Variants in EDNRA observed in about 807,000 individuals in gnomAD.
EDNRA encodes the protein endothelin-1 receptor.
EDNRA carries 11 observed loss-of-function variants against 41.4 expected under a neutral mutation model. The observed-to-expected ratio is 0.27, with a 90% CI of 0.17 to 0.44. EDNRA has a LOEUF of 0.44. EDNRA is among the 20% of genes least tolerant of loss of function. EDNRA has a pLI of 1.00. For synonymous variants in EDNRA, 172 were observed against 183.0 expected, an observed-to-expected ratio of 0.94 and a Z score of 0.49; for missense variants, 294 against 531.0, an observed-to-expected ratio of 0.55 and a Z score of 4.39.
At chr4:147,483,888 CT>C (rs1728858184) in intron 1 of EDNRA, among the ~76,000 whole-genome samples, 1 of 151,752 alleles carries the variant, frequency 6.6e-6, no homozygotes, top group South Asian at 2.1e-4. Flanking sequence ...CCTGTCTAAT[CT>C]TTTTTATGTT....
chr4:147,532,270 G>A (rs922248884), intron 3 of EDNRA, among the ~76,000 whole-genome samples: 2 of 145,748 alleles, frequency 1.4e-5, no homozygotes, highest in African/African-American at 2.6e-5. Flanking sequence ...AGCTTGCAGT[G>A]AGCCGAGATG....
rs5342 is a variant in EDNRA, at chr4:147,543,619, A to G, written c.*1001A>G. On this transcript the variant is annotated 3_prime_UTR_variant, in exon 8 of 8. Coordinates refer to ENST00000651419, the MANE Select transcript of EDNRA (RefSeq NM_001957.4). ...AAAGATCGAATTTTTCAGATGATTCAGAAATTTTCATTCAGGTATTTGTAA... is the reference window on the plus strand; with the variant it reads ...AAAGATCGAATTTTTCAGATGATTCGGAAATTTTCATTCAGGTATTTGTAA... 57,384 of 152,024 alleles carry G rather than the reference A, an allele frequency of 0.38. 11,082 individuals carry two copies. Among genetic ancestry groups the G allele is most frequent in the South Asian group, 0.61 (2,959 of 4,820 alleles). The allele number at this position is 152,024 out of a possible 1,614,324, so 9.4% of individuals were successfully genotyped here.
intron 2 of EDNRA, among the ~76,000 whole-genome samples, chr4:147,517,529 T>C (rs1396870371): frequency 1.3e-5 from 2 of 152,202 alleles, no homozygotes; most frequent in Admixed American, 6.5e-5. Flanking sequence ...TTACTACCCA[T>C]ACATCCTTTC....
At chr4:147,512,170 A>C in intron 2 of EDNRA, among the ~76,000 whole-genome samples, 1 of 152,216 alleles carries the variant, frequency 6.6e-6, no homozygotes, top group East Asian at 1.9e-4. Context: ...AAAAGCCTCA[A>C]GTCCCTCACT....
chr4:147,539,586 G>A (rs899097985), intron 5 of EDNRA, among the ~76,000 whole-genome samples: 1 of 151,940 alleles, frequency 6.6e-6, no homozygotes, highest in Non-Finnish European at 1.5e-5. Flanking sequence ...TAACCAACCT[G>A]AGGCCCCCAT....
chr4:147,535,263 T>G (rs577703117), intron 4 of EDNRA, among the ~76,000 whole-genome samples: 45 of 152,356 alleles, frequency 3.0e-4, no homozygotes, highest in African/African-American at 1.1e-3. Context: ...TGAGATATGC[T>G]GCCTCAATAG....
rs59851236 is a variant in EDNRA, at chr4:147,532,325, C to CAAAAAAAAA, written c.549-164_549-156dup. The stretch of plus-strand genomic sequence containing the variant: ...TGAGCAACAGAGCGAGATTTTGCCT[C>CAAAAAAAAA]AAAAAAAAAAAAAAAAAAAAAAAAA... On this transcript the variant is annotated intron_variant, in intron 3 of 7. Transcript: ENST00000651419. 5.3e-4 allele frequency among the ~76,000 whole-genome samples: 32 copies of CAAAAAAAAA among 60,390 alleles called. 1 individual carries two copies. The highest frequency in any genetic ancestry group is 5.3e-3 in the South Asian group (6 of 1,140). The allele number at this position is 60,390 out of a possible 152,430, so 39.6% of individuals were successfully genotyped here.
At chr4:147,506,341 C>T (rs992934845) in intron 2 of EDNRA, 36 of 423,036 alleles carry the variant, frequency 8.5e-5, no homozygotes, top group Admixed American at 7.9e-4. Context: ...AAGCTGTCTT[C>T]GGAAGGAATA....
chr4:147,501,496 C>A (rs751705060), intron 2 of EDNRA, among the ~76,000 whole-genome samples: 1 of 152,192 alleles, frequency 6.6e-6, no homozygotes. Context: ...TTAGACCAGT[C>A]CTGATCACCA....
intron 3 of EDNRA, 87 bp from the exon 4 acceptor site, chr4:147,532,411 CAATGAGGA>C: frequency 1.0e-6 from 1 of 993,884 alleles, no homozygotes; most frequent in Non-Finnish European, 1.6e-6. Flanking sequence ...CTGGTATTGG[CAATGAGGA>C]GGAACTTCCC....
intron 3 of EDNRA, among the ~76,000 whole-genome samples, chr4:147,528,958 T>G (rs1213246220): frequency 2.6e-5 from 4 of 152,120 alleles, no homozygotes; most frequent in Non-Finnish European, 4.4e-5. Flanking sequence ...TGCTATGTTC[T>G]GACGTAACAG....
At chr4:147,487,736 T>C (rs1178203788) in intron 2 of EDNRA, among the ~76,000 whole-genome samples, 2 of 152,212 alleles carry the variant, frequency 1.3e-5, no homozygotes. Flanking sequence ...ACCAGTACAC[T>C]GTTTCCAAAA....
At chr4:147,522,255 A>AGG (rs1730351956) in intron 3 of EDNRA, among the ~76,000 whole-genome samples, 1 of 152,118 alleles carries the variant, frequency 6.6e-6, no homozygotes, top group East Asian at 1.9e-4. Flanking sequence ...AAATTAGTTT[A>AGG]GGGCTGGGTG....
intron 3 of EDNRA, among the ~76,000 whole-genome samples, chr4:147,523,590 A>T (rs1168581222): frequency 2.0e-5 from 3 of 149,858 alleles, no homozygotes; most frequent in Non-Finnish European, 4.4e-5. Flanking sequence ...TCCCAGGTTC[A>T]CGCCATTCTC....
At chr4:147,528,567 T>C (rs1388063796) in intron 3 of EDNRA, among the ~76,000 whole-genome samples, 1 of 151,992 alleles carries the variant, frequency 6.6e-6, no homozygotes, top group African/African-American at 2.4e-5. Context: ...GCCCAGGGTG[T>C]CAAGCGATCG....
At chr4:147,531,036 A>G (rs1289975516) in intron 3 of EDNRA, among the ~76,000 whole-genome samples, 2 of 152,256 alleles carry the variant, frequency 1.3e-5, no homozygotes, top group Admixed American at 6.5e-5. Flanking sequence ...AGCAGTTAGC[A>G]TTAGACCTTC....
intron 2 of EDNRA, chr4:147,489,030 C>T (rs1355430182): frequency 1.3e-5 from 2 of 152,132 alleles, no homozygotes; most frequent in African/African-American, 4.8e-5. Flanking sequence ...TGTGAGCCTT[C>T]TTTATTTCCC....
chr4:147,522,197 T>C (rs763412671), intron 3 of EDNRA, among the ~76,000 whole-genome samples: 13 of 152,208 alleles, frequency 8.5e-5, no homozygotes, highest in Non-Finnish European at 1.9e-4. Context: ...ATTATTACCA[T>C]TTATTGAATA....
At chr4:147,510,023 T>C (rs1729865924) in intron 2 of EDNRA, among the ~76,000 whole-genome samples, 1 of 152,174 alleles carries the variant, frequency 6.6e-6, no homozygotes, top group Non-Finnish European at 1.5e-5. Flanking sequence ...AGATGGTCTC[T>C]AAGCTCCCAT....
Sources: gnomAD v4.1 joint callset for allele counts (sites outside exome capture counted in the v4.1 genomes callset) on GRCh38, gnomAD v4.1.1 for gene constraint, MANE v1.5 for transcripts, NCBI Gene and HGNC (gene_info 2026-07-23, HGNC 2026-07-21) for gene names.